The following CEMIP2 variants were observed in gnomAD, a reference collection of about 807,000 sequenced individuals.
CEMIP2 encodes cell migration inducing hyaluronidase 2.
Under a neutral mutation model 146.9 loss-of-function variants are expected in CEMIP2, and 79 were observed. The ratio of observed to expected loss-of-function variants is 0.54; its 90% CI spans 0.45 to 0.65. CEMIP2 has a LOEUF of 0.65. CEMIP2 is among the 30% of genes least tolerant of loss of function. The pLI, the probability that CEMIP2 is intolerant of heterozygous loss-of-function variation, is 0.00. For missense variants in CEMIP2, 1,596 were observed against 1,696.2 expected (o/e 0.94, Z 1.04); for synonymous variants, 601 against 606.3 (o/e 0.99, Z 0.13).
intron 14 of CEMIP2, 63 bp from the exon 15 acceptor site, chr9:71,715,152 G>A: frequency 1.3e-6 from 2 of 1,528,972 alleles, no homozygotes; most frequent in Non-Finnish European, 1.8e-6. Flanking sequence ...ATTCCCAAAT[G>A]TAGGCATGCT....
intron 4 of CEMIP2, among the ~76,000 whole-genome samples, 161 bp from the exon 5 acceptor site, chr9:71,740,393 A>G (rs1369266420): frequency 6.6e-6 from 1 of 152,204 alleles, no homozygotes; most frequent in Non-Finnish European, 1.5e-5. Flanking sequence ...CCTTGACTGC[A>G]CCTAGTTCTC....
At chr9:71,731,620 A>G (rs956421859) in intron 7 of CEMIP2, among the ~76,000 whole-genome samples, 5 of 151,712 alleles carry the variant, frequency 3.3e-5, no homozygotes, top group African/African-American at 1.2e-4. Flanking sequence ...AGTCCCAGCT[A>G]TTTGGCGGGG....
At chr9:71,753,364 C>T (rs1406562464) in intron 1 of CEMIP2, among the ~76,000 whole-genome samples, 4 of 152,126 alleles carry the variant, frequency 2.6e-5, no homozygotes, top group Admixed American at 1.3e-4. Flanking sequence ...ATGAAGTCAC[C>T]AGCCTACTGG....
chr9:71,757,165 A>C (rs1824484825), intron 1 of CEMIP2, among the ~76,000 whole-genome samples: 1 of 152,214 alleles, frequency 6.6e-6, no homozygotes, highest in South Asian at 2.1e-4. Context: ...TGCCACAGCC[A>C]CACAGTCCAA....
Position 71,728,231 on chromosome 9 carries a change from C to CTCTATATATATATATATGTATATACACG in CEMIP2, c.2049+1613_2049+1614insCGTGTATATACATATATATATATATAGA, listed in dbSNP as rs1554684626. Among the ~76,000 whole-genome samples, 26 of 14,778 alleles carry CTCTATATATATATATATGTATATACACG rather than the reference C, an allele frequency of 1.8e-3. 1 individual carries two copies. Among genetic ancestry groups the CTCTATATATATATATATGTATATACACG allele is most frequent in the African/African-American group, 5.2e-3 (23 of 4,412 alleles). The allele number at this position is 14,778 out of a possible 152,430, so 9.7% of individuals were successfully genotyped here. A position where few individuals can be genotyped will look rare whatever the true frequency, so the allele number is the denominator to read the frequency against. On this transcript the variant is annotated intron_variant, in intron 10 of 23. Transcript: ENST00000377044. ...TCTCTCTCTCTCTCTCTCTCTCTCT[C>CTCTATATATATATATATGTATATACACG]TATATATATATATATATATGTATAT...
intron 1 of CEMIP2, among the ~76,000 whole-genome samples, chr9:71,756,695 T>C (rs1824472074): frequency 6.6e-6 from 1 of 152,164 alleles, no homozygotes; most frequent in Non-Finnish European, 1.5e-5. Flanking sequence ...AAAAAGTCTA[T>C]GTGTTAATTC....
At chr9:71,716,951 C>T (rs991135846) in intron 13 of CEMIP2, among the ~76,000 whole-genome samples, 10 of 152,160 alleles carry the variant, frequency 6.6e-5, no homozygotes, top group South Asian at 6.2e-4. Flanking sequence ...GCAGGAGAAT[C>T]GCTTGAGCCC....
At chr9:71,704,091 A>G (rs1822655232) in intron 18 of CEMIP2, among the ~76,000 whole-genome samples, 1 of 152,226 alleles carries the variant, frequency 6.6e-6, no homozygotes, top group Non-Finnish European at 1.5e-5. Flanking sequence ...AGAACAGACA[A>G]CTGAGAAATC....
chr9:71,724,589 A>G (rs1003106991), intron 11 of CEMIP2, among the ~76,000 whole-genome samples: 1 of 152,176 alleles, frequency 6.6e-6, no homozygotes, highest in Non-Finnish European at 1.5e-5. Flanking sequence ...TCTGGGCATC[A>G]CACACATAAC....
chr9:71,694,612 A>C lies in CEMIP2; in HGVS notation c.3598-5T>G. 6.3e-7 allele frequency: 1 copy of C among 1,599,560 alleles called. No individual in the cohort carries two copies. The highest frequency in any genetic ancestry group is 8.6e-7 in the Non-Finnish European group (1 of 1,166,964). The stretch of plus-strand genomic sequence containing the variant: ...AGGATCACTAGTAAACACCACCTAG[A>C]CAGAGAAGAAGTTCCATATTTATGG... On this transcript the variant is annotated splice_region_variant and splice_polypyrimidine_tract_variant and intron_variant, in intron 20 of 23. Coordinates refer to ENST00000377044, the MANE Select transcript of CEMIP2 (RefSeq NM_013390.3).
chr9:71,730,382 A>G lies in CEMIP2; in HGVS notation c.1774-129T>C. 3 of 891,930 alleles carry G rather than the reference A, an allele frequency of 3.4e-6. No individual in the cohort carries two copies. The Admixed American group carries it at 7.5e-5, about 22-fold the overall frequency. 55.3% of individuals were successfully genotyped at this position (891,930 alleles called of 1,614,324 possible). A position where few individuals can be genotyped will look rare whatever the true frequency, so the allele number is the denominator to read the frequency against. ...GGTTTGAACCTTAGCAGAATGGGCAAAGTGAAATGTCAGGCTTAATTTATC... is the reference window on the plus strand; with the variant it reads ...GGTTTGAACCTTAGCAGAATGGGCAGAGTGAAATGTCAGGCTTAATTTATC... On this transcript the variant is annotated intron_variant, in intron 8 of 23. Coordinates refer to ENST00000377044, the MANE Select transcript of CEMIP2 (RefSeq NM_013390.3).
chr9:71,754,986 G>T (rs1824380197), intron 1 of CEMIP2, among the ~76,000 whole-genome samples: 1 of 151,834 alleles, frequency 6.6e-6, no homozygotes, highest in African/African-American at 2.4e-5. Context: ...CCCACAAAAA[G>T]ATACCTTAAA....
At chr9:71,733,199 T>C (rs550359893) in intron 6 of CEMIP2, among the ~76,000 whole-genome samples, 3 of 152,354 alleles carry the variant, frequency 2.0e-5, no homozygotes, top group South Asian at 2.1e-4. Context: ...TACCATCTTT[T>C]CTTTCTCATT....
At chr9:71,746,017 G>GT (rs967090804) in intron 3 of CEMIP2, among the ~76,000 whole-genome samples, 184 bp downstream of exon 3, 2 of 152,078 alleles carry the variant, frequency 1.3e-5, no homozygotes, top group Non-Finnish European at 1.5e-5. Flanking sequence ...TAAATTCTAT[G>GT]TTTTTTATCT....
chr9:71,754,300 A>G (rs1051950849), intron 1 of CEMIP2, among the ~76,000 whole-genome samples: 6 of 152,236 alleles, frequency 3.9e-5, no homozygotes, highest in African/African-American at 1.2e-4. Context: ...GGCAATCTCA[A>G]CAATGGCTGT....
Position 71,751,740 on chromosome 9 carries a change from T to C in CEMIP2, c.-12-1355A>G, listed in dbSNP as rs192681323. 4.6e-5 allele frequency among the ~76,000 whole-genome samples: 7 copies of C among 152,310 alleles called. No homozygotes were observed. In the East Asian group the frequency reaches 5.8e-4, roughly 13 times the overall value. ...AAGCTCTTCAAATTGAAGCTAAAAG[T>C]CCATGTGTCATGAGGACCCAAAGTT... On this transcript the variant is annotated intron_variant, in intron 1 of 23. Coordinates refer to ENST00000377044, the MANE Select transcript of CEMIP2 (RefSeq NM_013390.3).
At chr9:71,689,607 A>G (rs891401169) in intron 22 of CEMIP2, among the ~76,000 whole-genome samples, 10 of 152,198 alleles carry the variant, frequency 6.6e-5, no homozygotes, top group African/African-American at 2.4e-4. Context: ...GACTTCCTGT[A>G]TCACAATCAT....
intron 22 of CEMIP2, among the ~76,000 whole-genome samples, chr9:71,688,498 C>T (rs1273183463): frequency 6.6e-6 from 1 of 151,980 alleles, no homozygotes; most frequent in Non-Finnish European, 1.5e-5. Context: ...AAGCAGTTCT[C>T]CTGCCTCAGC....
At chr9:71,702,914 T>C (rs1245880063) in intron 18 of CEMIP2, among the ~76,000 whole-genome samples, 3 of 152,206 alleles carry the variant, frequency 2.0e-5, no homozygotes, top group Non-Finnish European at 4.4e-5. Flanking sequence ...CTGCATATCA[T>C]TTTATTGTCA....
Sources: allele counts gnomAD v4.1 joint callset (sites outside exome capture counted in the v4.1 genomes callset), GRCh38; gene constraint gnomAD v4.1.1; transcripts MANE v1.5; gene names NCBI Gene and HGNC (gene_info 2026-07-23, HGNC 2026-07-21).